DMRTB1: variants seen among roughly 807,000 people sequenced by gnomAD.
The protein encoded by DMRTB1 is DMRT like family B with proline rich C-terminal 1.
A neutral mutation model predicts 25.2 loss-of-function variants in DMRTB1; 9 were observed. The observed-to-expected ratio is 0.36, with a 90% CI of 0.22 to 0.62. The LOEUF is 0.62. Among genes scored for constraint, DMRTB1 ranks in the 20% least tolerant of loss-of-function variants. The probability of loss-of-function intolerance (pLI) is 0.71; values close to 1 mark genes in which losing one functional copy is unlikely to be tolerated. For missense variants in DMRTB1, 551 were observed against 499.3 expected, an observed-to-expected ratio of 1.10 and a Z score of -0.99; for synonymous variants, 269 against 238.1, an observed-to-expected ratio of 1.13 and a Z score of -1.20.
Position 53,459,745 on chromosome 1 carries a change from C to A in DMRTB1, c.292C>A (p.Leu98Met). 7.4e-7 allele frequency: 1 copy of A among 1,355,124 alleles called. No individual in the cohort carries two copies. 83.9% of individuals were successfully genotyped at this position (1,355,124 alleles called of 1,614,324 possible). A position where few individuals can be genotyped will look rare whatever the true frequency, so the allele number is the denominator to read the frequency against. Residue 98 changes from leucine to methionine, a missense_variant, in exon 1 of 4, where the codon CTG becomes ATG. Coordinates refer to ENST00000371445, the MANE Select transcript of DMRTB1 (RefSeq NM_033067.3). ...CGTCCCGGCCGCGAGCCTCCGCCCG[C>A]TGTCCCCGGGGACTCCCTCCGGAGA... ...VPVPAASLRP[L>M]SPGTPSGDAD...
At chr1:53,464,483 GA>G (rs1024547712) in intron 2 of DMRTB1, among the ~76,000 whole-genome samples, 153 bp from the exon 3 acceptor site, 1 of 152,128 alleles carries the variant, frequency 6.6e-6, no homozygotes, top group Non-Finnish European at 1.5e-5. Context: ...GGTGTTTGCT[GA>G]ATGCCCCCTT....
chr1:53,466,465 T>A, intron 3 of DMRTB1, 130 bp from the exon 4 acceptor site: 1 of 894,606 alleles, frequency 1.1e-6, no homozygotes, highest in Non-Finnish European at 1.8e-6. Context: ...CACTCCAGCC[T>A]GGGTGACAGA....
In DMRTB1 at chr1:53,459,585, C is replaced by T. The variant is rs1474180643; in HGVS notation, c.132C>T (p.Ser44=). The change falls in exon 1 of 4, where the codon TCC becomes TCT. Residue 44 remains serine, a synonymous_variant. Coordinates refer to ENST00000371445, the MANE Select transcript of DMRTB1 (RefSeq NM_033067.3). ...QCLCEKCYLI[S]ERQKIMAAQK... ...TCTGCGAGAAGTGCTACCTGATCTC[C>T]GAGCGCCAGAAGATCATGGCCGCGC... 8 of 1,602,780 alleles carry T rather than the reference C, an allele frequency of 5.0e-6. No homozygotes were observed. The highest frequency in any genetic ancestry group is 1.7e-4 in the Middle Eastern group (1 of 5,910).
At chr1:53,464,991 T>TA (rs1490106423) in intron 3 of DMRTB1, 144 bp downstream of exon 3, 13 of 1,144,452 alleles carry the variant, frequency 1.1e-5, no homozygotes, top group Non-Finnish European at 1.5e-5. Context: ...AGCTCCTTCT[T>TA]ACACCCTTCC....
At chr1:53,460,142 A>G in intron 1 of DMRTB1, 112 bp downstream of exon 1, 1 of 1,343,208 alleles carries the variant, frequency 7.4e-7, no homozygotes, top group Non-Finnish European at 9.6e-7. Context: ...TCCACGGGTA[A>G]CGGACCTTCC....
intron 1 of DMRTB1, among the ~76,000 whole-genome samples, chr1:53,461,051 C>T (rs1011205848): frequency 3.9e-5 from 6 of 152,128 alleles, no homozygotes; most frequent in African/African-American, 9.7e-5. Context: ...ATGGAGGACG[C>T]GGGTCACATT....
intron 3 of DMRTB1, 99 bp downstream of exon 3, chr1:53,464,946 G>C: frequency 6.5e-7 from 1 of 1,527,294 alleles, no homozygotes; most frequent in Non-Finnish European, 9.0e-7. Flanking sequence ...GGAGAGAAGG[G>C]ACATGGAATT....
rs1345524469 is a variant in DMRTB1, at chr1:53,466,838, T to A, written c.*176T>A. 2.1e-5 allele frequency: 14 copies of A among 656,746 alleles called. No individual in the cohort carries two copies. In the Admixed American group the frequency reaches 4.0e-4, roughly 19 times the overall value. The allele number at this position is 656,746 out of a possible 1,614,324, so 40.7% of individuals were successfully genotyped here. On this transcript the variant is annotated 3_prime_UTR_variant, in exon 4 of 4. Coordinates refer to ENST00000371445, the MANE Select transcript of DMRTB1 (RefSeq NM_033067.3). ...CAATTTCTAAGTTTCAATCCTGCGC[T>A]GTACAGTTGAAGAAGAGTGTGGAGG...
At position 53,459,544 on chromosome 1, in the gene DMRTB1, C is replaced by T. The variant is rs1187917662; in HGVS notation, c.91C>T (p.Arg31Cys). Residue 31 changes from arginine (R) to cysteine (C), a missense_variant, in exon 1 of 4, where the codon CGC becomes TGC. By Grantham distance (180) the Arg-to-Cys change is radical. Transcript: ENST00000371445. ...CGTCAAGGGACACGCGGGCAAATGC[C>T]GCTGGAAGCAGTGCCTCTGCGAGAA... Reference protein sequence around the residue: ...VPVKGHAGKCRWKQCLCEKCY... With the variant: ...VPVKGHAGKCCWKQCLCEKCY... 1 of 1,612,564 alleles carries T rather than the reference C, an allele frequency of 6.2e-7. No individual in the cohort carries two copies. Among genetic ancestry groups the T allele is most frequent in the Non-Finnish European group, 8.5e-7 (1 of 1,179,752 alleles).
rs1218917753 is a variant in DMRTB1, at chr1:53,459,709, G to GCCCCCA, written c.261_262insACCCCC (p.Pro87_Val88insThrPro). On this transcript the variant is annotated inframe_insertion, in exon 1 of 4. Coordinates refer to ENST00000371445, the MANE Select transcript of DMRTB1 (RefSeq NM_033067.3). Reference sequence around the variant, plus strand: ...CTCCGGGGCTGCGGCCGCCGCCCCCGCCCCCGTCCCCGTCCCGGCCGCGAG... The same window carrying GCCCCCA: ...CTCCGGGGCTGCGGCCGCCGCCCCCGCCCCCACCCCCGTCCCCGTCCCGGCCGCGAG... 1.4e-6 allele frequency: 2 copies of GCCCCCA among 1,441,260 alleles called. No individual in the cohort carries two copies. Among genetic ancestry groups the GCCCCCA allele is most frequent in the Non-Finnish European group, 1.8e-6 (2 of 1,101,534 alleles). 89.3% of individuals were successfully genotyped at this position (1,441,260 alleles called of 1,614,324 possible).
rs61768419 is a variant in DMRTB1, at chr1:53,461,022, C to T, written c.578-451C>T. Among the ~76,000 whole-genome samples, 1,397 of 152,304 alleles carry T rather than the reference C, an allele frequency of 9.2e-3. 15 individuals carry two copies. The highest frequency in any genetic ancestry group is 0.015 in the South Asian group (71 of 4,826). On this transcript the variant is annotated intron_variant, in intron 1 of 3. Transcript: ENST00000371445. ...ACAGACAAGCAGGGCTGAGCCGAACCATGAGCCAGGCATTCGTGATGGAGG... is the reference window on the plus strand; with the variant it reads ...ACAGACAAGCAGGGCTGAGCCGAACTATGAGCCAGGCATTCGTGATGGAGG...
In DMRTB1 at chr1:53,466,763, G is replaced by A; in HGVS notation, c.*101G>A. ...GTGATATGTAGGGAGGAAGGAGGTT[G>A]ATAGCATAGATGGCAACTGATTCCC... On this transcript the variant is annotated 3_prime_UTR_variant, in exon 4 of 4. Transcript: ENST00000371445. 8.4e-7 allele frequency: 1 copy of A among 1,185,678 alleles called. No homozygotes were observed. The highest frequency in any genetic ancestry group is 1.2e-6 in the Non-Finnish European group (1 of 808,694). 73.4% of individuals were successfully genotyped at this position (1,185,678 alleles called of 1,614,324 possible).
rs949279620 is a variant in DMRTB1 at position 53,459,753 on chromosome 1, G to A, written c.300G>A (p.Pro100=). ...VPAASLRPLS[P]GTPSGDADPG... ...CCGCGAGCCTCCGCCCGCTGTCCCCGGGGACTCCCTCCGGAGACGCCGACC... is the reference window on the plus strand; with the variant it reads ...CCGCGAGCCTCCGCCCGCTGTCCCCAGGGACTCCCTCCGGAGACGCCGACC... The change falls in exon 1 of 4, where the codon CCG becomes CCA. Residue 100 remains proline (P), a synonymous_variant. Coordinates refer to ENST00000371445, the MANE Select transcript of DMRTB1 (RefSeq NM_033067.3). 42 of 1,361,812 alleles carry A rather than the reference G, an allele frequency of 3.1e-5. No homozygotes were observed. The highest frequency in any genetic ancestry group is 3.9e-5 in the Non-Finnish European group (41 of 1,060,380). 84.4% of individuals were successfully genotyped at this position (1,361,812 alleles called of 1,614,324 possible).
At chr1:53,465,448 C>T (rs999942754) in intron 3 of DMRTB1, among the ~76,000 whole-genome samples, 3 of 152,136 alleles carry the variant, frequency 2.0e-5, no homozygotes, top group South Asian at 2.1e-4. Context: ...CTGTGAGGGT[C>T]GAAGAAACTT....
chr1:53,466,368 G>A (rs1644050483), intron 3 of DMRTB1, among the ~76,000 whole-genome samples: 1 of 152,194 alleles, frequency 6.6e-6, no homozygotes, highest in South Asian at 2.1e-4. Flanking sequence ...GCGGGTGCCT[G>A]TAATCCCAGC....
chr1:53,465,870 G>T (rs1644047334), intron 3 of DMRTB1, among the ~76,000 whole-genome samples: 1 of 152,210 alleles, frequency 6.6e-6, no homozygotes, highest in Non-Finnish European at 1.5e-5. Context: ...ACTAATAATG[G>T]TCCCTACCTC....
At position 53,461,661 on chromosome 1, in the gene DMRTB1, C is replaced by T. The variant is rs773268624; in HGVS notation, c.750+16C>T. Reference sequence around the variant, plus strand: ...CGGAGGCTTGGTGAGTCCCACCCCTCACTTCTTGCCAGCTTCCTCCACCCA... The same window carrying T: ...CGGAGGCTTGGTGAGTCCCACCCCTTACTTCTTGCCAGCTTCCTCCACCCA... On this transcript the variant is annotated intron_variant, in intron 2 of 3. Transcript: ENST00000371445. The T allele has an allele frequency of 6.5e-7, 1 of 1,533,368 alleles. No homozygotes were observed. Among genetic ancestry groups the T allele is most frequent in the Non-Finnish European group, 8.8e-7 (1 of 1,140,364 alleles). The allele number at this position is 1,533,368 out of a possible 1,614,324, so 95.0% of individuals were successfully genotyped here.
In DMRTB1 at chr1:53,464,638, T is replaced by C. The variant is rs2100639302; in HGVS notation, c.752T>C (p.Val251Ala). The change falls in exon 3 of 4, where the codon GTG (valine) becomes GCG (alanine). Residue 251 changes from valine to alanine, a missense_variant and splice_region_variant. Transcript: ENST00000371445. ...SRSQYQGGGL[V>A]SEPGGDFQPS... ...CTCTCTGCTGTGTGTGCCGTGCAGG[T>C]GTCAGAACCAGGAGGAGACTTCCAG... 1.9e-6 allele frequency: 3 copies of C among 1,613,280 alleles called. No individual in the cohort carries two copies. Among genetic ancestry groups the C allele is most frequent in the Non-Finnish European group, 1.7e-6 (2 of 1,180,012 alleles).
In DMRTB1 at chr1:53,459,473, G is replaced by A. The variant is rs1275461783; in HGVS notation, c.20G>A (p.Arg7His). 3.1e-6 allele frequency: 5 copies of A among 1,612,998 alleles called. No homozygotes were observed. The African/African-American group carries it at 4.0e-5, about 13-fold the overall frequency. Residue 7 changes from arginine (R) to histidine (H), a missense_variant, in exon 1 of 4, where the codon CGC (arginine) becomes CAC (histidine). Physicochemically the swap from Arg to His is conservative, Grantham distance 29 (BLOSUM62 0). Coordinates refer to ENST00000371445, the MANE Select transcript of DMRTB1 (RefSeq NM_033067.3). Reference sequence around the variant, plus strand: ...CTGCCAATGGCCGACAAAATGGTGCGCACCCCCAAGTGCTCGAGATGCAGG... The same window carrying A: ...CTGCCAATGGCCGACAAAATGGTGCACACCCCCAAGTGCTCGAGATGCAGG... MADKMVRTPKCSRCRNH... is the reference protein window; with the variant it reads MADKMVHTPKCSRCRNH...
Sources: allele counts gnomAD v4.1 joint callset (sites outside exome capture counted in the v4.1 genomes callset), GRCh38; gene constraint gnomAD v4.1.1; transcripts MANE v1.5; gene names NCBI Gene and HGNC (gene_info 2026-07-23, HGNC 2026-07-21).